TYR: variants seen among roughly 807,000 people sequenced by gnomAD.
TYR encodes the protein LB24-AB.
In TYR, 58 loss-of-function variants were observed where a neutral mutation model predicts 51.5. That is an observed-to-expected ratio of 1.13 (90% confidence interval 0.91 to 1.40). The LOEUF is 1.40. TYR is among the 40% of genes most tolerant of loss of function. The pLI, the probability that TYR is intolerant of heterozygous loss-of-function variation, is 0.00. For synonymous variants in TYR, 263 were observed against 235.2 expected, an observed-to-expected ratio of 1.12 and a Z score of -1.08; for missense variants, 732 against 647.4, an observed-to-expected ratio of 1.13 and a Z score of -1.42.
At chr11:89,241,939 C>T (rs2000555) in intron 3 of TYR, among the ~76,000 whole-genome samples, 68,720 of 150,776 alleles carry the variant, frequency 0.46, 16,814 homozygotes, top group African/African-American at 0.65. Flanking sequence ...AAAAATAATT[C>T]ACTTTTCTTT....
intron 3 of TYR, among the ~76,000 whole-genome samples, chr11:89,272,155 CA>C (rs1944595578): frequency 6.6e-6 from 1 of 151,814 alleles, no homozygotes; most frequent in Admixed American, 6.6e-5. Flanking sequence ...TAATCCCTTC[CA>C]AAAGGTTTTC....
chr11:89,264,191 A>G (rs1035671441), intron 3 of TYR, among the ~76,000 whole-genome samples: 17 of 152,042 alleles, frequency 1.1e-4, no homozygotes, highest in Non-Finnish European at 2.1e-4. Flanking sequence ...GGAAATGCAG[A>G]AACCCTTTTT....
chr11:89,281,652 G>A (rs950964861), intron 3 of TYR, among the ~76,000 whole-genome samples: 5 of 151,684 alleles, frequency 3.3e-5, no homozygotes, highest in East Asian at 1.9e-4. Context: ...AGTTTGCCCC[G>A]CAACTTCAAT....
In TYR at chr11:89,230,906, T is replaced by TAAAAA. The variant is rs71052219; in HGVS notation, c.1184+2946_1184+2950dup. Among the ~76,000 whole-genome samples the TAAAAA allele has an allele frequency of 2.9e-5, 4 of 139,340 alleles. 1 individual carries two copies. The highest frequency in any genetic ancestry group is 1.0e-4 in the African/African-American group (4 of 38,358). 91.4% of individuals were successfully genotyped at this position (139,340 alleles called of 152,430 possible). On this transcript the variant is annotated intron_variant, in intron 3 of 4. Coordinates refer to ENST00000263321, the MANE Select transcript of TYR (RefSeq NM_000372.5). Reference sequence around the variant, plus strand: ...GGACAAGAAGTATTAGAGACTATGTTAAAAAAAAAAAAAAGAGGGACTTTA... The same window carrying TAAAAA: ...GGACAAGAAGTATTAGAGACTATGTTAAAAAAAAAAAAAAAAAAAGAGGGACTTTA...
At chr11:89,242,388 T>A (rs1472953049) in intron 3 of TYR, among the ~76,000 whole-genome samples, 1 of 151,990 alleles carries the variant, frequency 6.6e-6, no homozygotes, top group Non-Finnish European at 1.5e-5. Context: ...GGGCATTTTT[T>A]TTTAGTAGAG....
intron 3 of TYR, chr11:89,283,690 T>A (rs1297554587): frequency 6.6e-6 from 1 of 151,864 alleles, no homozygotes; most frequent in African/African-American, 2.4e-5. Context: ...TTCTTTCTTC[T>A]ATGTCATATG....
intron 3 of TYR, among the ~76,000 whole-genome samples, chr11:89,240,582 C>T (rs1210498519): frequency 6.6e-6 from 1 of 151,622 alleles, no homozygotes; most frequent in Non-Finnish European, 1.5e-5. Context: ...GAAGTTATTC[C>T]TTTTCATATG....
chr11:89,182,279 C>T (rs879922381), intron 1 of TYR, among the ~76,000 whole-genome samples: 2 of 152,142 alleles, frequency 1.3e-5, no homozygotes, highest in South Asian at 2.1e-4. Flanking sequence ...ATCAAAGAAA[C>T]GTTAGCTCCA....
At chr11:89,254,302 G>A (rs560405109) in intron 3 of TYR, among the ~76,000 whole-genome samples, 3 of 151,476 alleles carry the variant, frequency 2.0e-5, no homozygotes, top group Non-Finnish European at 3.0e-5. Context: ...TTATTGTTAT[G>A]TTCTTTTCCG....
At chr11:89,182,026 CCT>C (rs1399224820) in intron 1 of TYR, among the ~76,000 whole-genome samples, 2 of 152,110 alleles carry the variant, frequency 1.3e-5, no homozygotes, top group African/African-American at 4.8e-5. Flanking sequence ...TACTGATCCA[CCT>C]CTGTTACTCA....
At chr11:89,199,966 A>G (rs1943575029) in intron 2 of TYR, among the ~76,000 whole-genome samples, 1 of 152,246 alleles carries the variant, frequency 6.6e-6, no homozygotes, top group South Asian at 2.1e-4. Flanking sequence ...AGGCATTAAG[A>G]CATATAGACA....
chr11:89,214,930 A>G (rs1943813075), intron 2 of TYR, among the ~76,000 whole-genome samples: 1 of 152,162 alleles, frequency 6.6e-6, no homozygotes, highest in African/African-American at 2.4e-5. Flanking sequence ...ATTCTTCCCT[A>G]AGCCTTCTTT....
chr11:89,226,962 T>C (rs1477860584), intron 2 of TYR, among the ~76,000 whole-genome samples: 1 of 152,098 alleles, frequency 6.6e-6, no homozygotes, highest in Non-Finnish European at 1.5e-5. Flanking sequence ...CCTCTTCCTC[T>C]TCTTAATGGG....
intron 1 of TYR, among the ~76,000 whole-genome samples, chr11:89,185,697 G>A (rs545603580): frequency 2.0e-5 from 3 of 151,996 alleles, no homozygotes; most frequent in Admixed American, 1.3e-4. Flanking sequence ...ACGGCAGGGT[G>A]GACTCTCCTG....
intron 2 of TYR, among the ~76,000 whole-genome samples, chr11:89,202,969 T>C: frequency 6.6e-6 from 1 of 152,182 alleles, no homozygotes; most frequent in African/African-American, 2.4e-5. Flanking sequence ...TGGCCTGTTT[T>C]CAATTTGCAA....
intron 2 of TYR, 36 bp from the exon 3 acceptor site, chr11:89,227,787 G>A: frequency 6.3e-7 from 1 of 1,588,728 alleles, no homozygotes; most frequent in Non-Finnish European, 8.6e-7. Flanking sequence ...AGTCATTAAA[G>A]TAAACATATT....
chr11:89,288,933 T>G (rs1944825161), intron 4 of TYR, among the ~76,000 whole-genome samples: 1 of 152,026 alleles, frequency 6.6e-6, no homozygotes, highest in East Asian at 1.9e-4. Flanking sequence ...GGGATTATTA[T>G]TCATCAACCA....
intron 3 of TYR, among the ~76,000 whole-genome samples, chr11:89,238,293 C>T (rs1944145790): frequency 6.6e-6 from 1 of 152,016 alleles, no homozygotes; most frequent in Admixed American, 6.6e-5. Context: ...TAATTAACAA[C>T]TAATGGTATA....
chr11:89,198,705 A>G (rs925963795), intron 2 of TYR, among the ~76,000 whole-genome samples: 10 of 151,898 alleles, frequency 6.6e-5, no homozygotes, highest in Admixed American at 2.0e-4. Flanking sequence ...CTCTGTCCTT[A>G]CATTATAAGC....
Sources: allele counts gnomAD v4.1 joint callset (sites outside exome capture counted in the v4.1 genomes callset), GRCh38; gene constraint gnomAD v4.1.1; transcripts MANE v1.5; gene names NCBI Gene and HGNC (gene_info 2026-07-23, HGNC 2026-07-21).